UGT2B15: variants seen among roughly 807,000 people sequenced by gnomAD.
UGT2B15 encodes the protein UDP-glucuronosyltransferase 2B15.
Under a neutral mutation model 45.9 loss-of-function variants are expected in UGT2B15, and 36 were observed. That is an observed-to-expected ratio of 0.78 (90% CI 0.60 to 1.04). The LOEUF (loss-of-function observed/expected upper bound fraction) is 1.04. Ranked by LOEUF, UGT2B15 falls within the 50% of genes least tolerant of loss-of-function variation. The pLI is 0.00. For synonymous variants in UGT2B15, 219 were observed against 216.4 expected (o/e 1.01, Z -0.11); for missense variants, 617 against 622.4 (o/e 0.99, Z 0.09).
intron 5 of UGT2B15, among the ~76,000 whole-genome samples, chr4:68,647,868 C>G (rs982636820): frequency 1.3e-5 from 2 of 151,936 alleles, no homozygotes; most frequent in African/African-American, 4.8e-5. Context: ...CTGCACACCA[C>G]CATGCCTGGC....
chr4:68,667,547 C>G (rs1239949688), intron 2 of UGT2B15, among the ~76,000 whole-genome samples: 1 of 152,044 alleles, frequency 6.6e-6, no homozygotes, highest in Non-Finnish European at 1.5e-5. Flanking sequence ...TGAGTACTCA[C>G]TTTAATTGTC....
At position 68,654,532 on chromosome 4, in the gene UGT2B15, T is replaced by C. The variant is rs542000471; in HGVS notation, c.1094-276A>G. 2.3e-3 allele frequency among the ~76,000 whole-genome samples: 348 copies of C among 151,928 alleles called. 1 individual carries two copies. The highest frequency in any genetic ancestry group is 4.1e-3 in the Non-Finnish European group (277 of 67,938). On this transcript the variant is annotated intron_variant, in intron 4 of 5. Coordinates refer to ENST00000338206, the MANE Select transcript of UGT2B15 (RefSeq NM_001076.4). Reference sequence around the variant, plus strand: ...AAGTATTATAAATAATGAGGTCACATTTACATATTTAAAAAATATTTAAAT... The same window carrying C: ...AAGTATTATAAATAATGAGGTCACACTTACATATTTAAAAAATATTTAAAT...
chr4:68,648,532 A>C (rs1047609918), intron 5 of UGT2B15, among the ~76,000 whole-genome samples: 18 of 152,064 alleles, frequency 1.2e-4, no homozygotes, highest in African/African-American at 4.3e-4. Flanking sequence ...TTACTTTGCT[A>C]TTTGATTTCT....
chr4:68,648,156 A>G (rs906553940), intron 5 of UGT2B15, among the ~76,000 whole-genome samples: 1 of 152,106 alleles, frequency 6.6e-6, no homozygotes, highest in South Asian at 2.1e-4. Flanking sequence ...CCAAATTAAT[A>G]TCAAATTATG....
At chr4:68,656,031 G>C (rs1460839324) in intron 3 of UGT2B15, among the ~76,000 whole-genome samples, 1 of 152,050 alleles carries the variant, frequency 6.6e-6, no homozygotes, top group Admixed American at 6.6e-5. Flanking sequence ...TGAGGTCTGG[G>C]AGCAACCCCT....
At chr4:68,647,708 G>A (rs1732523598) in intron 5 of UGT2B15, among the ~76,000 whole-genome samples, 1 of 151,870 alleles carries the variant, frequency 6.6e-6, no homozygotes, top group Admixed American at 6.6e-5. Flanking sequence ...TGATCTTTTT[G>A]ATCTTTTTAA....
intron 3 of UGT2B15, among the ~76,000 whole-genome samples, chr4:68,657,458 G>A (rs4148265): frequency 0.48 from 73,148 of 150,964 alleles, 20,679 homozygotes; most frequent in Non-Finnish European, 0.64. Flanking sequence ...CCCACAAGCA[G>A]CACACATTGA....
chr4:68,656,765 T>C (rs1732818151), intron 3 of UGT2B15, among the ~76,000 whole-genome samples: 1 of 151,972 alleles, frequency 6.6e-6, no homozygotes, highest in Non-Finnish European at 1.5e-5. Flanking sequence ...GGGGTGTCTG[T>C]TTTCTTTGTG....
intron 1 of UGT2B15, among the ~76,000 whole-genome samples, chr4:68,669,418 T>C (rs572008472): frequency 6.6e-6 from 1 of 152,252 alleles, no homozygotes; most frequent in South Asian, 2.1e-4. Context: ...TACTCAACTG[T>C]GAAGGAATCC....
In UGT2B15 at chr4:68,646,729, ATT is replaced by A. The variant is rs4148274; in HGVS notation, c.*373_*374del. 4 of 141,330 alleles carry A rather than the reference ATT, an allele frequency of 2.8e-5. No homozygotes were observed. Among genetic ancestry groups the A allele is most frequent in the Non-Finnish European group, 4.6e-5 (3 of 65,034 alleles). 8.8% of individuals were successfully genotyped at this position (141,330 alleles called of 1,614,324 possible). On this transcript the variant is annotated 3_prime_UTR_variant, in exon 6 of 6. Coordinates refer to ENST00000338206, the MANE Select transcript of UGT2B15 (RefSeq NM_001076.4). ...TTCCTGGTTTAAAAAAAAGAGTTGT[ATT>A]TTTTTTTTTTGCTTTTTTTAAATTA...
intron 3 of UGT2B15, among the ~76,000 whole-genome samples, chr4:68,657,700 A>C (rs1732849447): frequency 6.6e-6 from 1 of 152,018 alleles, no homozygotes; most frequent in Non-Finnish European, 1.5e-5. Context: ...AGAGTTCCTA[A>C]GTTCTCTCTT....
chr4:68,648,728 T>A (rs1211928967), intron 5 of UGT2B15, among the ~76,000 whole-genome samples: 1 of 152,134 alleles, frequency 6.6e-6, no homozygotes, highest in East Asian at 1.9e-4. Flanking sequence ...GCCATTTTAG[T>A]CACTATTTTT....
intron 1 of UGT2B15, among the ~76,000 whole-genome samples, chr4:68,669,617 A>G (rs142555698): frequency 0.051 from 7,834 of 152,224 alleles, 273 homozygotes; most frequent in Non-Finnish European, 0.073. Context: ...AAAAATGTAT[A>G]GCAAAATGAT....
Position 68,668,179 on chromosome 4 carries a change from G to T in UGT2B15, c.734C>A (p.Thr245Asn), listed in dbSNP as rs1733198085. 6.2e-7 allele frequency: 1 copy of T among 1,610,108 alleles called. No homozygotes were observed. The highest frequency in any genetic ancestry group is 2.2e-5 in the East Asian group (1 of 44,818). Residue 245 changes from threonine to asparagine, a missense_variant, in exon 2 of 6, where the codon ACT (threonine) becomes AAT (asparagine). Physicochemically the swap from Thr to Asn is moderately conservative, Grantham distance 65. Around this residue, in one of 3 missense-constraint regions of UGT2B15, gnomAD observed 351 missense variants for 342.1 expected, o/e 1.03. Coordinates refer to ENST00000338206, the MANE Select transcript of UGT2B15 (RefSeq NM_001076.4). ...TTTCCCCATTGTCTCAAATAATGTA[G>T]TGGGTCTTCCTGATGGAAAAAAACA... ...QFYSEVLGRPTTLFETMGKAE... is the reference protein window; with the variant it reads ...QFYSEVLGRPNTLFETMGKAE...
chr4:68,655,706 C>A (rs1008193458), intron 3 of UGT2B15, among the ~76,000 whole-genome samples: 2 of 152,002 alleles, frequency 1.3e-5, no homozygotes, highest in Admixed American at 6.6e-5. Flanking sequence ...ATTTCTGGAC[C>A]GAACAAATGT....
rs369123632 is a variant in UGT2B15, at chr4:68,648,321, C to T, written c.1314-938G>A. Among the ~76,000 whole-genome samples, 7 of 152,192 alleles carry T rather than the reference C, an allele frequency of 4.6e-5. No homozygotes were observed. In the South Asian group the frequency reaches 1.5e-3, roughly 32 times the overall value. ...CTAGAGACAATGGCCTTCGGTTTTT[C>T]TCTAAACTCCTGAAGGTGTTCTCAC... On this transcript the variant is annotated intron_variant, in intron 5 of 5. Coordinates refer to ENST00000338206, the MANE Select transcript of UGT2B15 (RefSeq NM_001076.4).
chr4:68,646,908 T>G lies in UGT2B15; in HGVS notation c.*196A>C. 3.7e-6 allele frequency: 3 copies of G among 801,984 alleles called. No individual in the cohort carries two copies. Among genetic ancestry groups the G allele is most frequent in the Non-Finnish European group, 5.5e-6 (3 of 544,502 alleles). The allele number at this position is 801,984 out of a possible 1,614,324, so 49.7% of individuals were successfully genotyped here. ...TTCCCCCCATTGTATTTTTCATAGC[T>G]TAAAAATCATTGACATAGAATAATT... On this transcript the variant is annotated 3_prime_UTR_variant, in exon 6 of 6. Coordinates refer to ENST00000338206, the MANE Select transcript of UGT2B15 (RefSeq NM_001076.4).
chr4:68,661,233 G>C (rs948050847), intron 3 of UGT2B15, among the ~76,000 whole-genome samples: 4 of 151,942 alleles, frequency 2.6e-5, no homozygotes, highest in African/African-American at 9.7e-5. Flanking sequence ...TCTATTCAAA[G>C]TCACCCCTCT....
chr4:68,649,273 C>T (rs371612340), intron 5 of UGT2B15, among the ~76,000 whole-genome samples: 42 of 93,266 alleles, frequency 4.5e-4, no homozygotes, highest in East Asian at 1.5e-3. Context: ...TTCATATAAT[C>T]TTTTTTTTTT....
Sources: allele counts gnomAD v4.1 joint callset (sites outside exome capture counted in the v4.1 genomes callset), GRCh38; gene constraint gnomAD v4.1.1; regional missense constraint gnomAD v4.1.1; transcripts MANE v1.5; gene names NCBI Gene and HGNC (gene_info 2026-07-23, HGNC 2026-07-21).